The following HMCN2 variants were observed in gnomAD, a reference collection of about 807,000 sequenced individuals.
HMCN2 encodes the protein hemicentin 2, also known as hemicentin-2.
In HMCN2, 325 loss-of-function variants were observed where a neutral mutation model predicts 377.5. The ratio of observed to expected loss-of-function variants is 0.86; its 90% CI spans 0.79 to 0.94. The LOEUF is 0.94. HMCN2 is among the 40% of genes least tolerant of loss of function. HMCN2 has a pLI of 0.00. For synonymous variants in HMCN2, 2,007 were observed against 2,046.8 expected, an observed-to-expected ratio of 0.98 and a Z score of 0.53; for missense variants, 4,543 against 4,725.3, an observed-to-expected ratio of 0.96 and a Z score of 1.13.
chr9:130,425,469 CTCCCAAGGCTCACCCCATCTCT>C (rs1174176292), intron 89 of HMCN2, among the ~76,000 whole-genome samples, 196 bp from the exon 90 acceptor site: 1,827 of 151,086 alleles, frequency 0.012, 18 homozygotes, highest in African/African-American at 0.022. Context: ...ACCCCATCTC[CTCCCAAGGCTCACCCCATCTCT>C]TCCCAAGGCT....
In HMCN2 at chr9:130,394,325, G is replaced by T; in HGVS notation, c.10502-60G>T. On this transcript the variant is annotated intron_variant, in intron 68 of 97. Transcript: ENST00000683500. The surrounding 1 kb of genome is among the most constrained non-coding windows in gnomAD (Gnocchi z 5.1). Reference sequence around the variant, plus strand: ...CCTGGACTCAGCACAGTGTTTTCAAGTGCGGTGCTGTCCCGGAAATGTGTG... The same window carrying T: ...CCTGGACTCAGCACAGTGTTTTCAATTGCGGTGCTGTCCCGGAAATGTGTG... The T allele has an allele frequency of 9.0e-7, 1 of 1,105,780 alleles. No homozygotes were observed. The highest frequency in any genetic ancestry group is 1.2e-6 in the Non-Finnish European group (1 of 829,102). 68.5% of individuals were successfully genotyped at this position (1,105,780 alleles called of 1,614,324 possible). A position where few individuals can be genotyped will look rare whatever the true frequency, so the allele number is the denominator to read the frequency against.
rs1375424881 is a variant in HMCN2 at position 130,360,614 on chromosome 9, C to T, written c.5950+10C>T. 7.8e-7 allele frequency: 1 copy of T among 1,275,934 alleles called. No homozygotes were observed. The highest frequency in any genetic ancestry group is 1.0e-6 in the Non-Finnish European group (1 of 971,262). The allele number at this position is 1,275,934 out of a possible 1,614,324, so 79.0% of individuals were successfully genotyped here. A position where few individuals can be genotyped will look rare whatever the true frequency, so the allele number is the denominator to read the frequency against. On this transcript the variant is annotated intron_variant, in intron 38 of 97. Coordinates refer to ENST00000683500, the MANE Select transcript of HMCN2 (RefSeq NM_001291815.2). The surrounding 1 kb of genome is among the most constrained non-coding windows in gnomAD (Gnocchi z 4.7). ...GGCCTACGGGTCAATGGTGAGCTTCCCTGGGCCTACAAGGTCCCTTGTCCA... is the reference window on the plus strand; with the variant it reads ...GGCCTACGGGTCAATGGTGAGCTTCTCTGGGCCTACAAGGTCCCTTGTCCA...
At chr9:130,409,560 C>G (rs1843302715) in intron 84 of HMCN2, among the ~76,000 whole-genome samples, 1 of 152,220 alleles carries the variant, frequency 6.6e-6, no homozygotes, top group Non-Finnish European at 1.5e-5. Flanking sequence ...GATAATAGGA[C>G]TAGTAATAAG....
At chr9:130,376,772 C>T (rs1350986892) in intron 52 of HMCN2, 114 bp downstream of exon 52, 11 of 467,684 alleles carry the variant, frequency 2.4e-5, no homozygotes, top group Admixed American at 1.9e-4. Context: ...AGAGCTGGTC[C>T]GGGCCCCAGT....
At chr9:130,307,263 A>G (rs542244744) in intron 13 of HMCN2, among the ~76,000 whole-genome samples, 190 bp from the exon 14 acceptor site, 1 of 152,144 alleles carries the variant, frequency 6.6e-6, no homozygotes, top group South Asian at 2.1e-4. Flanking sequence ...CCCTTGCCTT[A>G]GGGTCACTAT....
chr9:130,351,672 A>G lies in HMCN2; in HGVS notation c.4585+95A>G. On this transcript the variant is annotated intron_variant, in intron 30 of 97. Coordinates refer to ENST00000683500, the MANE Select transcript of HMCN2 (RefSeq NM_001291815.2). The surrounding 1 kb of genome is among the most constrained non-coding windows in gnomAD (Gnocchi z 5.4). The stretch of plus-strand genomic sequence containing the variant: ...CCTTAGAGGGAGAGTGAGGGCTGAA[A>G]TGGGGGACCTGGTGAGTGATCCCTG... 1.9e-6 allele frequency: 2 copies of G among 1,043,110 alleles called. No individual in the cohort carries two copies. The allele number at this position is 1,043,110 out of a possible 1,614,324, so 64.6% of individuals were successfully genotyped here.
intron 96 of HMCN2, 98 bp from the exon 97 acceptor site, chr9:130,432,331 A>G: frequency 8.9e-7 from 1 of 1,119,160 alleles, no homozygotes; most frequent in Non-Finnish European, 1.3e-6. Flanking sequence ...TGCCCACCTC[A>G]CTGGTCCCCC....
In HMCN2 at chr9:130,353,174, C is replaced by A; in HGVS notation, c.4833C>A (p.Ala1611=). The A allele has an allele frequency of 7.7e-7, 1 of 1,303,990 alleles. No individual in the cohort carries two copies. The allele number at this position is 1,303,990 out of a possible 1,614,324, so 80.8% of individuals were successfully genotyped here. A position where few individuals can be genotyped will look rare whatever the true frequency, so the allele number is the denominator to read the frequency against. ...YTCKASNAVG[A]AEKATRLDVY... is the part of the protein sequence containing the mutation. The stretch of plus-strand genomic sequence containing the variant: ...GCAAGGCCAGCAATGCTGTGGGGGC[C>A]GCAGAGAAGGCCACCAGGCTGGATG... Residue 1611 remains alanine (A), a synonymous_variant, in exon 31 of 98, where the codon GCC becomes GCA. Coordinates refer to ENST00000683500, the MANE Select transcript of HMCN2 (RefSeq NM_001291815.2).
intron 22 of HMCN2, among the ~76,000 whole-genome samples, chr9:130,330,953 C>T (rs1838391731): frequency 7.0e-6 from 1 of 143,468 alleles, no homozygotes; most frequent in African/African-American, 2.6e-5. Context: ...CATGGTGAAA[C>T]CCTGTCTCTA....
chr9:130,372,801 A>T (rs1328891889), intron 47 of HMCN2, among the ~76,000 whole-genome samples: 2 of 152,196 alleles, frequency 1.3e-5, no homozygotes, highest in Non-Finnish European at 2.9e-5. Flanking sequence ...AATATTTTTG[A>T]CACCACTAAG....
chr9:130,418,662 TTTTCTTC>T (rs1843820152), intron 85 of HMCN2, 103 bp from the exon 86 acceptor site: 10 of 977,826 alleles, frequency 1.0e-5, no homozygotes, highest in Non-Finnish European at 1.3e-5. Context: ...GCAGTTCTTA[TTTTCTTC>T]TTTCTGCTTC....
intron 35 of HMCN2, 88 bp from the exon 36 acceptor site, chr9:130,358,302 C>A: frequency 7.7e-7 from 1 of 1,291,998 alleles, no homozygotes; most frequent in Non-Finnish European, 1.0e-6. Flanking sequence ...TGCTCCTGCC[C>A]CCGGGCTCGG....
intron 15 of HMCN2, among the ~76,000 whole-genome samples, chr9:130,311,769 G>T (rs2131369214): frequency 6.6e-6 from 1 of 152,298 alleles, no homozygotes; most frequent in South Asian, 2.1e-4. Context: ...TGGGGAGGGG[G>T]CAGCAGGACG....
chr9:130,404,905 C>G lies in HMCN2; in HGVS notation c.12185C>G (p.Ser4062Cys). 7.8e-7 allele frequency: 1 copy of G among 1,285,160 alleles called. No individual in the cohort carries two copies. Among genetic ancestry groups the G allele is most frequent in the Non-Finnish European group, 1.0e-6 (1 of 986,478 alleles). 79.6% of individuals were successfully genotyped at this position (1,285,160 alleles called of 1,614,324 possible). The change falls in exon 81 of 98, where the codon TCC becomes TGC. Residue 4062 changes from serine to cysteine, a missense_variant. Around this residue, in one of 5 missense-constraint regions of HMCN2, gnomAD observed 1,073 missense variants for 1,319.5 expected, o/e 0.81. Transcript: ENST00000683500. ...PVIENGLPDLSTTEGSHAFLP... is the reference protein window; with the variant it reads ...PVIENGLPDLCTTEGSHAFLP... ...ATCGAGAATGGCCTCCCAGACCTGT[C>G]CACCACCGAAGGCTCCCACGCCTTC...
chr9:130,276,582 G>A (rs1353884034), intron 1 of HMCN2, among the ~76,000 whole-genome samples: 4 of 152,324 alleles, frequency 2.6e-5, no homozygotes, highest in South Asian at 4.1e-4. Context: ...AGGAGGCCCC[G>A]AGGAGAGTTG....
Position 130,424,931 on chromosome 9 carries a change from C to T in HMCN2, c.13519+18C>T, listed in dbSNP as rs1417484196. On this transcript the variant is annotated intron_variant, in intron 88 of 97. Transcript: ENST00000683500. ...TGCTACAGGTAAACAGGGCCTCCCC[C>T]AGGTGGGCCAGGTAGGACTAAAGCC... The T allele has an allele frequency of 6.8e-7, 1 of 1,464,940 alleles. No individual in the cohort carries two copies. Among genetic ancestry groups the T allele is most frequent in the Non-Finnish European group, 9.1e-7 (1 of 1,102,008 alleles). 90.7% of individuals were successfully genotyped at this position (1,464,940 alleles called of 1,614,324 possible). A position where few individuals can be genotyped will look rare whatever the true frequency, so the allele number is the denominator to read the frequency against.
At chr9:130,299,333 G>C (rs561040111) in intron 8 of HMCN2, 45 bp downstream of exon 8, 47 of 400,898 alleles carry the variant, frequency 1.2e-4, no homozygotes, top group South Asian at 8.6e-4. Flanking sequence ...GGCTCATTCA[G>C]AGTCCCATTT....
At chr9:130,427,791 C>G (rs1289127627) in intron 92 of HMCN2, among the ~76,000 whole-genome samples, 172 bp downstream of exon 92, 1 of 152,190 alleles carries the variant, frequency 6.6e-6, no homozygotes, top group Admixed American at 6.5e-5. Context: ...CCCCACCAGG[C>G]TCCTTCTTGC....
In HMCN2 at chr9:130,425,040, G is replaced by T. The variant is rs1463380469; in HGVS notation, c.13551G>T (p.Arg4517=). 2.6e-6 allele frequency: 4 copies of T among 1,549,926 alleles called. No individual in the cohort carries two copies. In the South Asian group the frequency reaches 3.6e-5, roughly 14 times the overall value. The change falls in exon 89 of 98, where the codon CGG becomes CGT. Residue 4517 remains arginine (R), a synonymous_variant. Transcript: ENST00000683500. ...GELLTMTQVA[R]GLDPDGLLLL... ...TGCTCACGATGACCCAGGTGGCCCGGGGTCTGGATCCCGATGGCCTCCTGC... is the reference window on the plus strand; with the variant it reads ...TGCTCACGATGACCCAGGTGGCCCGTGGTCTGGATCCCGATGGCCTCCTGC...
Sources: allele counts gnomAD v4.1 joint callset (sites outside exome capture counted in the v4.1 genomes callset), GRCh38; gene constraint gnomAD v4.1.1; regional missense constraint gnomAD v4.1.1; non-coding constraint Gnocchi (gnomAD v3.1); transcripts MANE v1.5; gene names NCBI Gene and HGNC (gene_info 2026-07-23, HGNC 2026-07-21).